Variants in PTPRK observed in about 807,000 individuals in gnomAD.
PTPRK encodes the protein protein tyrosine phosphatase receptor type K, also known as receptor-type tyrosine-protein phosphatase kappa.
In PTPRK, 75 loss-of-function variants were observed where a neutral mutation model predicts 178.0. The observed-to-expected ratio is 0.42, with a 90% CI of 0.35 to 0.51. The LOEUF is 0.51. PTPRK is among the 20% of genes least tolerant of loss of function. The pLI is 0.02. For synonymous variants in PTPRK, 637 were observed against 620.6 expected (o/e 1.03, Z -0.39); for missense variants, 1,441 against 1,797.8 (o/e 0.80, Z 3.59).
intron 1 of PTPRK, among the ~76,000 whole-genome samples, chr6:128,397,951 C>T (rs1359530481): frequency 6.6e-6 from 1 of 152,168 alleles, no homozygotes; most frequent in East Asian, 1.9e-4. Flanking sequence ...ATAATAGATA[C>T]ATGCATAAGT....
intron 3 of PTPRK, among the ~76,000 whole-genome samples, chr6:128,295,217 A>G (rs1824102235): frequency 6.6e-6 from 1 of 152,112 alleles, no homozygotes; most frequent in Admixed American, 6.6e-5. Context: ...ATAAAGTATG[A>G]TTCTTCTCTT....
chr6:127,996,910 T>C lies in PTPRK; in HGVS notation c.2758A>G (p.Ile920Val). 1 of 1,610,314 alleles carries C rather than the reference T, an allele frequency of 6.2e-7. No individual in the cohort carries two copies. The highest frequency in any genetic ancestry group is 8.5e-7 in the Non-Finnish European group (1 of 1,177,914). The part of the protein sequence containing the change: ...QNRAKNRYGN[I>V]IAYDHSRVIL... ...TTGAATGGGAACTTACATGCTATAATGTTTCCATATCGGTTTTTTGCTCTA... is the reference window on the plus strand; with the variant it reads ...TTGAATGGGAACTTACATGCTATAACGTTTCCATATCGGTTTTTTGCTCTA... Residue 920 changes from isoleucine (I) to valine (V), a missense_variant, in exon 17 of 30, where the codon ATT (isoleucine) becomes GTT (valine). Physicochemically the swap from Ile to Val is conservative, Grantham distance 29. Around this residue, in one of 4 missense-constraint regions of PTPRK, gnomAD observed 945 missense variants for 1,080.6 expected, o/e 0.87. Transcript: ENST00000368226.
intron 1 of PTPRK, among the ~76,000 whole-genome samples, chr6:128,430,512 A>G (rs1019746130): frequency 2.0e-5 from 3 of 152,212 alleles, no homozygotes; most frequent in Non-Finnish European, 2.9e-5. Flanking sequence ...TAATGATGCA[A>G]TGAGACTAAA....
intron 3 of PTPRK, among the ~76,000 whole-genome samples, chr6:128,243,192 T>C (rs180803088): frequency 1.2e-3 from 182 of 152,200 alleles, no homozygotes; most frequent in African/African-American, 3.9e-3. Flanking sequence ...ATTAGAGACA[T>C]AGGCATGGAA....
intron 7 of PTPRK, among the ~76,000 whole-genome samples, chr6:128,143,206 T>C (rs775118931): frequency 1.3e-4 from 20 of 152,032 alleles, no homozygotes; most frequent in East Asian, 3.9e-4. Context: ...CAGACACTAA[T>C]ATAATAACTC....
intron 7 of PTPRK, among the ~76,000 whole-genome samples, chr6:128,104,881 G>C (rs938273403): frequency 2.6e-5 from 4 of 152,062 alleles, no homozygotes; most frequent in Non-Finnish European, 4.4e-5. Context: ...TGAGAGGAGA[G>C]GAAAAGGTCA....
At chr6:128,012,810 C>T (rs1351101423) in intron 13 of PTPRK, among the ~76,000 whole-genome samples, 1 of 151,390 alleles carries the variant, frequency 6.6e-6, no homozygotes, top group African/African-American at 2.4e-5. Context: ...TCATAATGGA[C>T]ATTAGAGATA....
At chr6:128,465,490 A>T (rs917205406) in intron 1 of PTPRK, among the ~76,000 whole-genome samples, 3 of 151,452 alleles carry the variant, frequency 2.0e-5, no homozygotes, top group Non-Finnish European at 2.9e-5. Flanking sequence ...TACCATGTTT[A>T]AAAAAAATGT....
chr6:128,361,372 T>C (rs1834714709), intron 2 of PTPRK, among the ~76,000 whole-genome samples: 1 of 152,326 alleles, frequency 6.6e-6, no homozygotes, highest in East Asian at 1.9e-4. Context: ...ATTTTGTTTA[T>C]AATTTTTCAT....
At position 127,976,623 on chromosome 6, in the gene PTPRK, C is replaced by G. The variant is rs768575888; in HGVS notation, c.3969+34G>C. ...ACATCTTGGTTATGACTGACCTATT[C>G]TAGATCAGCTCAAAGGATCCGATAG... On this transcript the variant is annotated intron_variant, in intron 27 of 29. Transcript: ENST00000368226. 1.0e-4 allele frequency: 168 copies of G among 1,612,242 alleles called. 1 individual carries two copies. The highest frequency in any genetic ancestry group is 6.6e-4 in the Middle Eastern group (4 of 6,040).
chr6:128,519,278 A>G lies in PTPRK; in HGVS notation c.100+981T>C, dbSNP rs532656162. On this transcript the variant is annotated intron_variant, in intron 1 of 29. Transcript: ENST00000368226. The surrounding 1 kb of genome is among the most constrained non-coding windows in gnomAD (Gnocchi z 4.3). ...ACGAAAGAAGCAACCAACCTACACG[A>G]AGGATAACAAAACTGGAGGGGAACA... The G allele has an allele frequency of 2.2e-5, 8 of 366,754 alleles. No homozygotes were observed. Among genetic ancestry groups the G allele is most frequent in the South Asian group, 1.6e-4 (8 of 48,602 alleles). The allele number at this position is 366,754 out of a possible 1,614,324, so 22.7% of individuals were successfully genotyped here. A position where few individuals can be genotyped will look rare whatever the true frequency, so the allele number is the denominator to read the frequency against.
At chr6:128,281,903 A>G (rs1562199902) in intron 3 of PTPRK, among the ~76,000 whole-genome samples, 1 of 152,216 alleles carries the variant, frequency 6.6e-6, no homozygotes, top group Non-Finnish European at 1.5e-5. Flanking sequence ...GGAGTTCATG[A>G]GCAGCTGCAG....
chr6:128,085,530 G>A (rs912542065), intron 8 of PTPRK, among the ~76,000 whole-genome samples: 4 of 152,190 alleles, frequency 2.6e-5, no homozygotes, highest in African/African-American at 9.6e-5. Context: ...TGATGGCATT[G>A]TAATTATAAT....
chr6:128,420,030 C>T (rs1843301862), intron 1 of PTPRK, among the ~76,000 whole-genome samples: 1 of 152,182 alleles, frequency 6.6e-6, no homozygotes, highest in Non-Finnish European at 1.5e-5. Flanking sequence ...AACGAATAAT[C>T]ATGCGTAACA....
intron 6 of PTPRK, among the ~76,000 whole-genome samples, chr6:128,201,239 T>C (rs189578309): frequency 6.6e-6 from 1 of 152,310 alleles, no homozygotes; most frequent in Admixed American, 6.5e-5. Flanking sequence ...AGGCAATTCA[T>C]AATTCTTGAC....
At chr6:128,326,704 GA>G (rs1262242159) in intron 2 of PTPRK, among the ~76,000 whole-genome samples, 1 of 152,026 alleles carries the variant, frequency 6.6e-6, no homozygotes, top group African/African-American at 2.4e-5. Context: ...CATATGACTG[GA>G]AAAATATGTA....
chr6:128,054,654 G>A (rs954052710), intron 13 of PTPRK, among the ~76,000 whole-genome samples: 1 of 152,102 alleles, frequency 6.6e-6, no homozygotes, highest in African/African-American at 2.4e-5. Context: ...CACTTTTCCA[G>A]CCACTTTGTC....
intron 7 of PTPRK, among the ~76,000 whole-genome samples, chr6:128,179,129 A>C (rs1297981824): frequency 6.6e-6 from 1 of 151,986 alleles, no homozygotes; most frequent in Non-Finnish European, 1.5e-5. Flanking sequence ...AGGAGGTAAA[A>C]ACATGCAGTT....
intron 2 of PTPRK, among the ~76,000 whole-genome samples, chr6:128,337,777 C>T (rs565453722): frequency 6.8e-4 from 104 of 152,216 alleles, no homozygotes; most frequent in Middle Eastern, 6.8e-3. Context: ...GCTATGAAAT[C>T]ATGTAATGGG....
Sources: gnomAD v4.1 joint callset for allele counts (sites outside exome capture counted in the v4.1 genomes callset) on GRCh38, gnomAD v4.1.1 for gene constraint, gnomAD v4.1.1 regional missense constraint, Gnocchi (gnomAD v3.1) non-coding constraint, MANE v1.5 for transcripts, NCBI Gene and HGNC (gene_info 2026-07-23, HGNC 2026-07-21) for gene names.